The following UBAP2 variants were observed in gnomAD, a reference collection of about 807,000 sequenced individuals.
UBAP2 encodes the protein ubiquitin-associated protein 2.
Under a neutral mutation model 139.6 loss-of-function variants are expected in UBAP2, and 75 were observed. The observed-to-expected ratio is 0.54, with a 90% confidence interval of 0.45 to 0.65. UBAP2 has a LOEUF of 0.65. Among genes scored for constraint, UBAP2 ranks in the 30% least tolerant of loss-of-function variants. UBAP2 has a pLI of 0.00. For synonymous variants in UBAP2, 526 were observed against 526.2 expected, an observed-to-expected ratio of 1.00 and a Z score of 0.01; for missense variants, 1,368 against 1,369.6, an observed-to-expected ratio of 1.00 and a Z score of 0.02.
chr9:33,986,739 T>A lies in UBAP2; in HGVS notation c.520+21A>T, dbSNP rs759745070. 9.9e-6 allele frequency: 16 copies of A among 1,609,608 alleles called. No individual in the cohort carries two copies. In the African/African-American group the frequency reaches 2.0e-4, roughly 20 times the overall value. On this transcript the variant is annotated intron_variant, in intron 6 of 28. Coordinates refer to ENST00000379238, the MANE Select transcript of UBAP2 (RefSeq NM_001370062.2). ...CTTCCCCCTAATTGAAAGCATTTTC[T>A]TCCCTCTTACTCTAGCTTACCTCTA...
intron 1 of UBAP2, among the ~76,000 whole-genome samples, chr9:34,047,608 A>G (rs972845531): frequency 6.6e-6 from 1 of 152,250 alleles, no homozygotes; most frequent in Non-Finnish European, 1.5e-5. Flanking sequence ...GAAGAGGAAT[A>G]TAAGAACTGG....
intron 1 of UBAP2, among the ~76,000 whole-genome samples, chr9:34,024,053 TA>T (rs1825193760): frequency 7.5e-6 from 1 of 133,378 alleles, no homozygotes. Flanking sequence ...CAAAAAAAAA[TA>T]AAAATAAAAA....
At chr9:33,997,796 T>C (rs1822324742) in intron 3 of UBAP2, 1 of 152,182 alleles carries the variant, frequency 6.6e-6, no homozygotes, top group East Asian at 1.9e-4. Context: ...TATACAGAAG[T>C]ATATCTCAAA....
At chr9:33,977,050 T>A (rs1455187569) in intron 6 of UBAP2, among the ~76,000 whole-genome samples, 4 of 147,870 alleles carry the variant, frequency 2.7e-5, no homozygotes, top group Non-Finnish European at 6.0e-5. Context: ...TTATTTTTTT[T>A]TTTTTTGAGA....
At chr9:33,996,603 G>A (rs776138455) in intron 3 of UBAP2, 5 of 329,926 alleles carry the variant, frequency 1.5e-5, no homozygotes, top group African/African-American at 4.3e-5. Flanking sequence ...ACACACATAC[G>A]TACCAACATT....
chr9:33,965,644 C>T lies in UBAP2; in HGVS notation c.680-1853G>A, dbSNP rs1827388543. On this transcript the variant is annotated intron_variant, in intron 8 of 28. Transcript: ENST00000379238. ...TATAATGTATGGCATTGAATTGCCTCATAATCTTTGACAAAAAACAATTAG... is the reference window on the plus strand; with the variant it reads ...TATAATGTATGGCATTGAATTGCCTTATAATCTTTGACAAAAAACAATTAG... Among the ~76,000 whole-genome samples the T allele has an allele frequency of 2.6e-5, 4 of 152,164 alleles. No individual in the cohort carries two copies. In the South Asian group the frequency reaches 8.3e-4, roughly 32 times the overall value.
intron 1 of UBAP2, among the ~76,000 whole-genome samples, chr9:34,035,002 A>C (rs1031682882): frequency 2.0e-5 from 3 of 152,212 alleles, no homozygotes; most frequent in Non-Finnish European, 4.4e-5. Flanking sequence ...TCTTGTAAGC[A>C]ACAACTACAT....
intron 1 of UBAP2, among the ~76,000 whole-genome samples, chr9:34,045,414 T>C (rs1343744057): frequency 6.6e-6 from 1 of 150,868 alleles, no homozygotes; most frequent in Non-Finnish European, 1.5e-5. Flanking sequence ...TCTTGCTCCA[T>C]CCAGGCTGGA....
At chr9:33,935,959 A>T in intron 16 of UBAP2, 81 bp from the exon 17 acceptor site, 1 of 1,248,000 alleles carries the variant, frequency 8.0e-7, no homozygotes, top group Non-Finnish European at 1.1e-6. Flanking sequence ...TTTCTACAAC[A>T]TGTAGCTTAA....
chr9:34,046,031 C>T (rs147428856), intron 1 of UBAP2, among the ~76,000 whole-genome samples: 4 of 152,218 alleles, frequency 2.6e-5, no homozygotes, highest in Admixed American at 2.0e-4. Flanking sequence ...CTTTTAAGAA[C>T]GCTCCATTTA....
intron 6 of UBAP2, among the ~76,000 whole-genome samples, chr9:33,982,781 A>G (rs564712901): frequency 2.0e-5 from 3 of 152,286 alleles, no homozygotes; most frequent in East Asian, 3.9e-4. Flanking sequence ...CAAGGTAAAC[A>G]TATCAACTTT....
chr9:33,953,534 G>C lies in UBAP2; in HGVS notation c.867-60C>G. 3 of 1,500,498 alleles carry C rather than the reference G, an allele frequency of 2.0e-6. No individual in the cohort carries two copies. In the Admixed American group the frequency reaches 6.0e-5, roughly 30 times the overall value. 92.9% of individuals were successfully genotyped at this position (1,500,498 alleles called of 1,614,324 possible). ...AAGCAAATCTTACCAACAAATGAAT[G>C]TGAGAAGTCAATCAATATATAGTGA... is the stretch of plus-strand genomic sequence containing the variant. On this transcript the variant is annotated intron_variant, in intron 11 of 28. Coordinates refer to ENST00000379238, the MANE Select transcript of UBAP2 (RefSeq NM_001370062.2).
chr9:33,956,705 A>G (rs1826593603), intron 10 of UBAP2, among the ~76,000 whole-genome samples: 1 of 152,132 alleles, frequency 6.6e-6, no homozygotes, highest in Non-Finnish European at 1.5e-5. Flanking sequence ...CTAATGGTAA[A>G]CAACACAGTG....
intron 13 of UBAP2, among the ~76,000 whole-genome samples, chr9:33,945,472 CCTGGGTGACAGA>C (rs1825587414): frequency 1.3e-5 from 2 of 148,602 alleles, no homozygotes; most frequent in Non-Finnish European, 3.0e-5. Flanking sequence ...TGCACTCCAG[CCTGGGTGACAGA>C]CTGGGTGACA....
chr9:33,941,382 T>C (rs1466199805), intron 16 of UBAP2, among the ~76,000 whole-genome samples: 2 of 152,152 alleles, frequency 1.3e-5, no homozygotes, highest in Non-Finnish European at 2.9e-5. Context: ...AATGTAGAAG[T>C]ACCCAGTACT....
At chr9:34,035,514 A>AAAAAAAAAATAT in intron 1 of UBAP2, among the ~76,000 whole-genome samples, 4 of 22,470 alleles carry the variant, frequency 1.8e-4, no homozygotes, top group East Asian at 1.8e-3. Context: ...AAAAAAAAAA[A>AAAAAAAAAATAT]ATATATATAT....
chr9:34,034,308 T>C (rs541557822), intron 1 of UBAP2, among the ~76,000 whole-genome samples: 119 of 152,344 alleles, frequency 7.8e-4, no homozygotes, highest in Non-Finnish European at 1.3e-3. Context: ...GAATCCAGGA[T>C]ATCAAGTCCT....
intron 19 of UBAP2, chr9:33,928,534 C>A (rs956321260): frequency 2.6e-5 from 4 of 153,026 alleles, no homozygotes; most frequent in African/African-American, 9.7e-5. Context: ...CTGGTGACAC[C>A]TTTCAGTCCA....
chr9:34,027,179 G>A (rs1293151689), intron 1 of UBAP2, among the ~76,000 whole-genome samples: 2 of 138,096 alleles, frequency 1.4e-5, no homozygotes, highest in East Asian at 4.2e-4. Context: ...ACAAAGCTCA[G>A]ATTAAGAATC....
Sources: allele counts gnomAD v4.1 joint callset (sites outside exome capture counted in the v4.1 genomes callset), GRCh38; gene constraint gnomAD v4.1.1; transcripts MANE v1.5; gene names NCBI Gene and HGNC (gene_info 2026-07-23, HGNC 2026-07-21).